ENPP2: variants seen among roughly 807,000 people sequenced by gnomAD.
ENPP2 encodes the protein ectonucleotide pyrophosphatase/phosphodiesterase 2.
A neutral mutation model predicts 120.2 loss-of-function variants in ENPP2; 51 were observed. The ratio of observed to expected loss-of-function variants is 0.42; its 90% confidence interval spans 0.34 to 0.54. The LOEUF is 0.54. ENPP2 is among the 20% of genes least tolerant of loss of function. The pLI, the probability that ENPP2 is intolerant of heterozygous loss-of-function variation, is 0.04. For missense variants in ENPP2, 920 were observed against 1,066.5 expected (o/e 0.86, Z 1.91); for synonymous variants, 365 against 366.4 (o/e 1.00, Z 0.04).
At chr8:119,605,468 T>TGTGTGTG (rs1587459221) in intron 9 of ENPP2, among the ~76,000 whole-genome samples, 1 of 77,990 alleles carries the variant, frequency 1.3e-5, no homozygotes, top group Non-Finnish European at 2.5e-5. Context: ...GTGTGTGTAT[T>TGTGTGTG]TTTTTTTTTG....
chr8:119,642,316 G>C (rs891385362), upstream of ENPP2, among the ~76,000 whole-genome samples: 1 of 151,872 alleles, frequency 6.6e-6, no homozygotes, highest in Non-Finnish European at 1.5e-5. Flanking sequence ...ATTTCTATTT[G>C]TTTATTTTTT....
intron 1 of ENPP2, among the ~76,000 whole-genome samples, chr8:119,658,311 C>T (rs556926930): frequency 5.3e-5 from 8 of 152,218 alleles, no homozygotes; most frequent in South Asian, 2.1e-4. Context: ...AGCTCTGTCG[C>T]GCAAGCTGGA....
intron 8 of ENPP2, among the ~76,000 whole-genome samples, chr8:119,608,798 A>G (rs1435745498): frequency 6.6e-6 from 1 of 152,242 alleles, no homozygotes; most frequent in Non-Finnish European, 1.5e-5. Flanking sequence ...AGCTTTAATG[A>G]GTTAATACAT....
intron 8 of ENPP2, 58 bp from the exon 9 acceptor site, chr8:119,608,035 A>G (rs529339597): frequency 8.3e-7 from 1 of 1,208,958 alleles, no homozygotes; most frequent in Non-Finnish European, 1.2e-6. Context: ...CAAAGAAGAA[A>G]AAGTTTTTAA....
At chr8:119,562,328 A>G (rs1814030251) in intron 24 of ENPP2, among the ~76,000 whole-genome samples, 1 of 151,950 alleles carries the variant, frequency 6.6e-6, no homozygotes, top group Admixed American at 6.6e-5. Flanking sequence ...CTACAATCCC[A>G]GCTACTCGGG....
At chr8:119,651,198 C>T (rs993355795) in intron 1 of ENPP2, among the ~76,000 whole-genome samples, 1 of 152,006 alleles carries the variant, frequency 6.6e-6, no homozygotes, top group Non-Finnish European at 1.5e-5. Flanking sequence ...AGGGGAAGGG[C>T]ATTGCAAGCA....
rs114107383 is a variant in ENPP2 at position 119,670,288 on chromosome 8, C to G, written c.21+2964G>C. Among the ~76,000 whole-genome samples, 381 of 152,310 alleles carry G rather than the reference C, an allele frequency of 2.5e-3. 2 individuals carry two copies. The highest frequency in any genetic ancestry group is 7.2e-3 in the African/African-American group (298 of 41,562). ...TCTCAAATATCCAGAAAGTCTAAAG[C>G]CTTCCATTGCTAAATAAGTAGAAAA... is the stretch of plus-strand genomic sequence containing the variant. On this transcript the variant is annotated intron_variant, in intron 1 of 25. Coordinates refer to the ENPP2 transcript ENST00000427067.
chr8:119,596,214 T>C (rs557322696), intron 11 of ENPP2, among the ~76,000 whole-genome samples: 48 of 152,308 alleles, frequency 3.2e-4, no homozygotes, highest in South Asian at 1.5e-3. Context: ...TCACAGCTTC[T>C]TCGCTGAGAA....
intron 12 of ENPP2, 148 bp downstream of exon 12, chr8:119,593,604 C>T (rs1479873288): frequency 5.0e-6 from 3 of 605,152 alleles, no homozygotes; most frequent in African/African-American, 1.9e-5. Flanking sequence ...ACTTTTCAAT[C>T]ATGGCCTGAT....
chr8:119,655,764 G>A (rs1189420220), intron 1 of ENPP2, among the ~76,000 whole-genome samples: 1 of 152,098 alleles, frequency 6.6e-6, no homozygotes, highest in Admixed American at 6.6e-5. Context: ...TAAGTAACTG[G>A]CCCAAATTTA....
chr8:119,662,838 G>A lies in ENPP2; in HGVS notation c.21+10414C>T, dbSNP rs977387481. 7.2e-5 allele frequency among the ~76,000 whole-genome samples: 11 copies of A among 152,300 alleles called. No individual in the cohort carries two copies. The South Asian group carries it at 1.0e-3, about 14-fold the overall frequency. ...TGAAAACGGGTAGTATAGGCCAGGC[G>A]CAGTGCCTCATGCCTTAATCCCAGG... On this transcript the variant is annotated intron_variant, in intron 1 of 25. Transcript: ENST00000427067.
intron 1 of ENPP2, among the ~76,000 whole-genome samples, chr8:119,664,468 A>C (rs1368394687): frequency 6.6e-6 from 1 of 151,880 alleles, no homozygotes; most frequent in East Asian, 1.9e-4. Context: ...GCAAGCCGTG[A>C]AACTGCAAAG....
rs1814099913 is a variant in ENPP2 at position 119,563,027 on chromosome 8, G to T, written c.2265-14C>A. The T allele has an allele frequency of 6.2e-7, 1 of 1,610,118 alleles. No homozygotes were observed. The highest frequency in any genetic ancestry group is 1.3e-5 in the African/African-American group (1 of 74,812). ...CCTTCCACGTACCTGAAACAGGAAG[G>T]TAAAACGAAGTCACAGTTGATGAGT... is the stretch of plus-strand genomic sequence containing the variant. On this transcript the variant is annotated splice_polypyrimidine_tract_variant and intron_variant, in intron 23 of 24. Coordinates refer to ENST00000075322, the MANE Select transcript of ENPP2 (RefSeq NM_001040092.3).
intron 22 of ENPP2, among the ~76,000 whole-genome samples, chr8:119,565,170 T>C (rs1430231357): frequency 6.6e-6 from 1 of 151,516 alleles, no homozygotes; most frequent in East Asian, 1.9e-4. Flanking sequence ...TATGAAACAA[T>C]GGTAGGGGAG....
At position 119,654,752 on chromosome 8, in the gene ENPP2, T is replaced by A. The variant is rs548469615; in HGVS notation, c.22-16225A>T. Among the ~76,000 whole-genome samples the A allele has an allele frequency of 2.6e-5, 4 of 152,278 alleles. No homozygotes were observed. The South Asian group carries it at 8.3e-4, about 32-fold the overall frequency. ...TAAAAAATGAACTAACAGTCACTAT[T>A]CAGCAAAGGCTAGGTGGTGGTAGTC... is the stretch of plus-strand genomic sequence containing the variant. On this transcript the variant is annotated intron_variant, in intron 1 of 25. Coordinates refer to the ENPP2 transcript ENST00000427067.
At chr8:119,609,387 C>T (rs897854584) in intron 8 of ENPP2, among the ~76,000 whole-genome samples, 1 of 152,134 alleles carries the variant, frequency 6.6e-6, no homozygotes, top group Non-Finnish European at 1.5e-5. Flanking sequence ...GTAGGGGCCT[C>T]ATCCTGTTCA....
intron 19 of ENPP2, among the ~76,000 whole-genome samples, chr8:119,579,280 C>T (rs531970278): frequency 6.0e-4 from 91 of 152,250 alleles, no homozygotes; most frequent in African/African-American, 2.0e-3. Flanking sequence ...ATAGAGTCCC[C>T]GTGGAAAAAA....
chr8:119,589,808 C>A (rs6988706), intron 13 of ENPP2, among the ~76,000 whole-genome samples: 1 of 152,004 alleles, frequency 6.6e-6, no homozygotes, highest in Non-Finnish European at 1.5e-5. Context: ...GCGGCATAAC[C>A]CCAATAAAAC....
intron 1 of ENPP2, among the ~76,000 whole-genome samples, chr8:119,671,446 G>A (rs1818245077): frequency 6.6e-6 from 1 of 152,212 alleles, no homozygotes; most frequent in African/African-American, 2.4e-5. Context: ...TAACAGTGGT[G>A]GGGGAGGTGG....
Sources: allele counts gnomAD v4.1 joint callset (sites outside exome capture counted in the v4.1 genomes callset), GRCh38; gene constraint gnomAD v4.1.1; transcripts MANE v1.5; gene names NCBI Gene and HGNC (gene_info 2026-07-23, HGNC 2026-07-21).